The following PDS5A variants were observed in gnomAD, a reference collection of about 807,000 sequenced individuals.
PDS5A encodes the protein PDS5 cohesin associated factor A.
Under a neutral mutation model 167.1 loss-of-function variants are expected in PDS5A, and 42 were observed. The ratio of observed to expected loss-of-function variants is 0.25; its 90% CI spans 0.20 to 0.33. PDS5A has a LOEUF of 0.33. Ranked by LOEUF, PDS5A falls within the 10% of genes least tolerant of loss-of-function variation. PDS5A has a pLI of 1.00. For missense variants in PDS5A, 1,033 were observed against 1,605.9 expected (o/e 0.64, Z 6.10); for synonymous variants, 553 against 554.6 (o/e 1.00, Z 0.04).
At chr4:39,908,637 T>C in intron 10 of PDS5A, 97 bp from the exon 11 acceptor site, 3 of 728,824 alleles carry the variant, frequency 4.1e-6, no homozygotes, top group East Asian at 2.6e-5. Context: ...TTTTTGTCCA[T>C]ACTAAAGCAA....
intron 29 of PDS5A, among the ~76,000 whole-genome samples, chr4:39,845,113 C>T (rs192972169): frequency 1.9e-3 from 282 of 152,180 alleles, no homozygotes; most frequent in African/African-American, 6.4e-3. Context: ...TAGACTGAGG[C>T]ATGAGAATTG....
In PDS5A at chr4:39,824,074, C is replaced by CCTA. The variant is rs1715067845; in HGVS notation, c.*1408_*1410dup. 6.6e-6 allele frequency: 1 copy of CCTA among 152,124 alleles called. No individual in the cohort carries two copies. The highest frequency in any genetic ancestry group is 1.5e-5 in the Non-Finnish European group (1 of 68,020). 9.4% of individuals were successfully genotyped at this position (152,124 alleles called of 1,614,324 possible). ...ATTCTGCTAGGGCTTTGCGGATGAC[C>CCTA]CTACAGTGGACAGTGGGGGCAGGAT... On this transcript the variant is annotated 3_prime_UTR_variant, in exon 33 of 33. Transcript: ENST00000303538.
In PDS5A at chr4:39,895,142, C is replaced by T. The variant is rs145945372; in HGVS notation, c.1770+3247G>A. On this transcript the variant is annotated intron_variant, in intron 16 of 32. Coordinates refer to ENST00000303538, the MANE Select transcript of PDS5A (RefSeq NM_001100399.2). ...CTCGGGAGGCTGAGGCAAGAGAACG[C>T]AGTGAGCCAAGATCGCGCCACTGCA... 3.6e-5 allele frequency among the ~76,000 whole-genome samples: 5 copies of T among 137,174 alleles called. No homozygotes were observed. In the East Asian group the frequency reaches 1.1e-3, roughly 29 times the overall value. The allele number at this position is 137,174 out of a possible 152,430, so 90.0% of individuals were successfully genotyped here.
chr4:39,845,715 T>A, intron 29 of PDS5A, 103 bp downstream of exon 29: 1 of 1,176,582 alleles, frequency 8.5e-7, no homozygotes, highest in Non-Finnish European at 1.1e-6. Flanking sequence ...TCCCTAAGAA[T>A]CAGGAACTAT....
intron 2 of PDS5A, 71 bp downstream of exon 2, chr4:39,976,369 T>G: frequency 4.5e-6 from 6 of 1,342,340 alleles, no homozygotes; most frequent in Non-Finnish European, 5.2e-6. Context: ...AAGGCCAGAC[T>G]GAGCAGGGTA....
chr4:39,955,608 C>A (rs529525491), intron 2 of PDS5A, among the ~76,000 whole-genome samples: 131 of 151,770 alleles, frequency 8.6e-4, no homozygotes, highest in Non-Finnish European at 8.0e-4. Context: ...CATAAAAAAA[C>A]AACAACAAAA....
intron 26 of PDS5A, among the ~76,000 whole-genome samples, chr4:39,851,472 T>C (rs939250929): frequency 5.9e-5 from 9 of 152,132 alleles, no homozygotes; most frequent in South Asian, 2.1e-4. Flanking sequence ...CTGATTTTTA[T>C]AGAGCTGGGG....
intron 32 of PDS5A, chr4:39,836,872 A>C (rs1390922879): frequency 6.8e-6 from 1 of 147,356 alleles, no homozygotes; most frequent in Non-Finnish European, 1.5e-5. Flanking sequence ...GCAGTGTCGC[A>C]ATCTTGGCTC....
intron 2 of PDS5A, among the ~76,000 whole-genome samples, chr4:39,969,071 G>A (rs1478833867): frequency 6.6e-6 from 1 of 152,236 alleles, no homozygotes; most frequent in Non-Finnish European, 1.5e-5. Context: ...CACCGTGCCA[G>A]CTATTTGTGA....
intron 2 of PDS5A, chr4:39,974,059 G>A: frequency 4.0e-6 from 2 of 500,496 alleles, no homozygotes; most frequent in Non-Finnish European, 7.6e-6. Flanking sequence ...CCGGGAGGCG[G>A]AGCTTACAGT....
rs1212021127 is a variant in PDS5A at position 39,868,738 on chromosome 4, G to A, written c.2505+656C>T. On this transcript the variant is annotated intron_variant, in intron 22 of 32. Transcript: ENST00000303538. ...CTCCTGCTCTGCCTCCCAAAGTGCT[G>A]GGATAATAGGTGTGAAAAACAAATC... 4 of 449,232 alleles carry A rather than the reference G, an allele frequency of 8.9e-6. No homozygotes were observed. In the Admixed American group the frequency reaches 9.8e-5, roughly 11 times the overall value. 27.8% of individuals were successfully genotyped at this position (449,232 alleles called of 1,614,324 possible). A position where few individuals can be genotyped will look rare whatever the true frequency, so the allele number is the denominator to read the frequency against.
intron 8 of PDS5A, among the ~76,000 whole-genome samples, chr4:39,914,215 G>A (rs1035844464): frequency 7.1e-6 from 1 of 141,032 alleles, no homozygotes; most frequent in Non-Finnish European, 1.5e-5. Context: ...AAGCTAGAGT[G>A]CAGTGGCACG....
chr4:39,932,573 G>A lies in PDS5A; in HGVS notation c.139-4409C>T, dbSNP rs536896697. The stretch of plus-strand genomic sequence containing the variant: ...AAAGAGAACATGCAGCGCTAAGCGC[G>A]GTGGGTCACAGCACTTTGGGAGGCT... On this transcript the variant is annotated intron_variant, in intron 2 of 32. Coordinates refer to ENST00000303538, the MANE Select transcript of PDS5A (RefSeq NM_001100399.2). The A allele has an allele frequency of 5.4e-5, 9 of 167,364 alleles. No individual in the cohort carries two copies. In the South Asian group the frequency reaches 6.6e-4, roughly 12 times the overall value. 10.4% of individuals were successfully genotyped at this position (167,364 alleles called of 1,614,324 possible).
At chr4:39,956,398 T>A (rs571251720) in intron 2 of PDS5A, among the ~76,000 whole-genome samples, 12 of 146,354 alleles carry the variant, frequency 8.2e-5, no homozygotes, top group East Asian at 8.2e-4. Flanking sequence ...GAGGCTGAGG[T>A]GGGAGGATCG....
intron 2 of PDS5A, among the ~76,000 whole-genome samples, chr4:39,950,337 GA>G (rs1728227811): frequency 6.6e-6 from 1 of 152,040 alleles, no homozygotes; most frequent in African/African-American, 2.4e-5. Context: ...TGAGGCAGGA[GA>G]ATCACTTGAA....
Position 39,928,034 on chromosome 4 carries a change from A to G in PDS5A, c.269T>C (p.Val90Ala). 2 of 1,613,900 alleles carry G rather than the reference A, an allele frequency of 1.2e-6. No individual in the cohort carries two copies. Among genetic ancestry groups the G allele is most frequent in the Non-Finnish European group, 1.7e-6 (2 of 1,179,788 alleles). Reference sequence around the variant, plus strand: ...AAAGATATCAGCCAAACAACATGCTACAAGGAGACGCACATCTTTATTGGG... The same window carrying G: ...AAAGATATCAGCCAAACAACATGCTGCAAGGAGACGCACATCTTTATTGGG... ...RNPNKDVRLL[V>A]ACCLADIFRI... Residue 90 changes from valine (V) to alanine (A), a missense_variant, in exon 3 of 33, where the codon GTA becomes GCA. Val to Ala is a moderately conservative substitution (Grantham distance 64, BLOSUM62 0). Transcript: ENST00000303538.
At chr4:39,918,681 C>G (rs977779535) in intron 7 of PDS5A, among the ~76,000 whole-genome samples, 1 of 152,064 alleles carries the variant, frequency 6.6e-6, no homozygotes, top group East Asian at 1.9e-4. Context: ...TGGTGAAACT[C>G]CATCTCTACT....
intron 30 of PDS5A, among the ~76,000 whole-genome samples, chr4:39,844,055 C>G (rs973170640): frequency 6.6e-6 from 1 of 151,810 alleles, no homozygotes; most frequent in African/African-American, 2.4e-5. Flanking sequence ...GATGCTGAAG[C>G]GAGAAGATCC....
At chr4:39,893,928 G>T (rs1722180191) in intron 16 of PDS5A, among the ~76,000 whole-genome samples, 1 of 152,208 alleles carries the variant, frequency 6.6e-6, no homozygotes, top group African/African-American at 2.4e-5. Flanking sequence ...CTGTGTGGCT[G>T]TTGCAGTCAC....
Sources: gnomAD v4.1 joint callset for allele counts (sites outside exome capture counted in the v4.1 genomes callset) on GRCh38, gnomAD v4.1.1 for gene constraint, MANE v1.5 for transcripts, NCBI Gene and HGNC (gene_info 2026-07-23, HGNC 2026-07-21) for gene names.